The following ELMO1 variants were observed in gnomAD, a reference collection of about 807,000 sequenced individuals.
ELMO1 encodes engulfment and cell motility protein 1.
A neutral mutation model predicts 98.9 loss-of-function variants in ELMO1; 26 were observed. That is an observed-to-expected ratio of 0.26 (90% CI 0.19 to 0.36). The LOEUF (loss-of-function observed/expected upper bound fraction) is 0.36, where lower values mean the gene tolerates loss of function less well. ELMO1 is among the 10% of genes least tolerant of loss of function. The pLI is 1.00. For synonymous variants in ELMO1, 346 were observed against 346.0 expected (o/e 1.00, Z 0.00); for missense variants, 627 against 935.2 (o/e 0.67, Z 4.30).
At chr7:37,013,259 G>C (rs200601593) in intron 16 of ELMO1, 40 bp downstream of exon 16, 19 of 1,610,470 alleles carry the variant, frequency 1.2e-5, no homozygotes, top group Non-Finnish European at 1.5e-5. Flanking sequence ...CCCCTTTAGC[G>C]CTGCGGGAAT....
At chr7:37,153,511 C>A (rs959253777) in intron 13 of ELMO1, among the ~76,000 whole-genome samples, 1 of 152,162 alleles carries the variant, frequency 6.6e-6, no homozygotes, top group Non-Finnish European at 1.5e-5. Flanking sequence ...GCTGGTCCCA[C>A]GCCCACAGAT....
chr7:36,923,484 T>A (rs998696602), intron 16 of ELMO1, among the ~76,000 whole-genome samples: 2 of 152,180 alleles, frequency 1.3e-5, no homozygotes, highest in Non-Finnish European at 2.9e-5. Context: ...ATCCACAGGA[T>A]CAGAGGGCTT....
chr7:37,020,121 T>C (rs949155221), intron 15 of ELMO1, among the ~76,000 whole-genome samples: 6 of 152,162 alleles, frequency 3.9e-5, no homozygotes, highest in African/African-American at 1.4e-4. Flanking sequence ...GAGCTGACCA[T>C]AACCTTACAA....
chr7:37,081,930 G>C (rs1361204427), intron 15 of ELMO1, among the ~76,000 whole-genome samples: 1 of 152,198 alleles, frequency 6.6e-6, no homozygotes, highest in Admixed American at 6.5e-5. Context: ...TCTCACCCGG[G>C]CAAGTCGATG....
intron 1 of ELMO1, among the ~76,000 whole-genome samples, chr7:37,407,162 C>T (rs1024192179): frequency 1.3e-5 from 2 of 152,142 alleles, no homozygotes; most frequent in African/African-American, 4.8e-5. Context: ...GGTACATCCA[C>T]ACAATGACAC....
chr7:36,882,956 T>A (rs995951373), intron 18 of ELMO1, among the ~76,000 whole-genome samples: 2 of 152,230 alleles, frequency 1.3e-5, no homozygotes, highest in Admixed American at 6.5e-5. Flanking sequence ...ATGTATTTAT[T>A]TATACCTGCC....
chr7:37,249,900 G>A (rs116360216), intron 6 of ELMO1, among the ~76,000 whole-genome samples: 8,710 of 152,136 alleles, frequency 0.057, 316 homozygotes, highest in Middle Eastern at 0.099. Context: ...GAAACACAGA[G>A]AGACCTTCGT....
chr7:37,168,291 C>T (rs886432496), intron 13 of ELMO1, among the ~76,000 whole-genome samples: 10 of 152,160 alleles, frequency 6.6e-5, no homozygotes, highest in Non-Finnish European at 1.3e-4. Flanking sequence ...TGAATTTCCT[C>T]CTGTAGCTCA....
intron 20 of ELMO1, among the ~76,000 whole-genome samples, chr7:36,863,228 T>C (rs983663427): frequency 6.6e-6 from 1 of 152,198 alleles, no homozygotes; most frequent in Non-Finnish European, 1.5e-5. Context: ...AAAAATGCTC[T>C]CCTCATTTTC....
At chr7:37,391,451 G>A (rs770773743) in intron 1 of ELMO1, among the ~76,000 whole-genome samples, 2 of 152,156 alleles carry the variant, frequency 1.3e-5, no homozygotes, top group Non-Finnish European at 2.9e-5. Context: ...TTGTGTGCAA[G>A]GCCTTATAAT....
chr7:37,049,814 G>C (rs1241427451), intron 15 of ELMO1, among the ~76,000 whole-genome samples: 1 of 123,472 alleles, frequency 8.1e-6, no homozygotes, highest in African/African-American at 3.1e-5. Flanking sequence ...TTTTGCTCTT[G>C]TTGCCCAGAC....
At chr7:37,395,367 CAAAAAAAAA>C (rs59452486) in intron 1 of ELMO1, among the ~76,000 whole-genome samples, 4 of 66,190 alleles carry the variant, frequency 6.0e-5, no homozygotes, top group Admixed American at 1.9e-4. Flanking sequence ...AACTCCATCT[CAAAAAAAAA>C]AAAAAAAAAA....
At chr7:36,892,403 G>T (rs375704855) in intron 17 of ELMO1, among the ~76,000 whole-genome samples, 4 of 152,068 alleles carry the variant, frequency 2.6e-5, no homozygotes, top group African/African-American at 9.7e-5. Flanking sequence ...TGCTCTTCCT[G>T]TAACTAAGCA....
chr7:36,863,686 G>C (rs1322035595), intron 20 of ELMO1, among the ~76,000 whole-genome samples: 4 of 152,122 alleles, frequency 2.6e-5, no homozygotes, highest in Non-Finnish European at 4.4e-5. Flanking sequence ...AAAAGCACGA[G>C]ACATGAACAC....
intron 15 of ELMO1, among the ~76,000 whole-genome samples, chr7:37,056,773 T>A (rs748065311): frequency 3.4e-4 from 52 of 152,124 alleles, no homozygotes; most frequent in Non-Finnish European, 4.3e-4. Flanking sequence ...TACAATGACA[T>A]ACTCAGGGCA....
intron 15 of ELMO1, among the ~76,000 whole-genome samples, chr7:37,083,154 A>G (rs963458419): frequency 2.6e-5 from 4 of 152,180 alleles, no homozygotes; most frequent in African/African-American, 9.7e-5. Context: ...CAGGTCTTCT[A>G]ATGCTTAATC....
Position 36,855,788 on chromosome 7 carries a change from G to T in ELMO1, c.1984-37C>A. 1 of 1,610,598 alleles carries T rather than the reference G, an allele frequency of 6.2e-7. No homozygotes were observed. The highest frequency in any genetic ancestry group is 8.5e-7 in the Non-Finnish European group (1 of 1,177,226). On this transcript the variant is annotated intron_variant, in intron 21 of 21. Coordinates refer to ENST00000310758, the MANE Select transcript of ELMO1 (RefSeq NM_014800.11). This position sits in a 1 kb window ranked among gnomAD's most constrained non-coding sequence, Gnocchi z 4.2. ...GGAGGCAACAGCGATCATTACTGGT[G>T]GCAATTACAGAAGTATTAATAGTAA...
chr7:37,047,285 C>T (rs539066289), intron 15 of ELMO1, among the ~76,000 whole-genome samples: 5 of 152,200 alleles, frequency 3.3e-5, no homozygotes, highest in South Asian at 4.1e-4. Context: ...GCTCATTAAT[C>T]GGTGTTCCTT....
At chr7:37,391,365 C>G (rs1229568889) in intron 1 of ELMO1, among the ~76,000 whole-genome samples, 1 of 152,162 alleles carries the variant, frequency 6.6e-6, no homozygotes, top group Non-Finnish European at 1.5e-5. Flanking sequence ...GATCTGCCAC[C>G]CCGGCCCCCC....
Sources: allele counts gnomAD v4.1 joint callset (sites outside exome capture counted in the v4.1 genomes callset), GRCh38; gene constraint gnomAD v4.1.1; non-coding constraint Gnocchi (gnomAD v3.1); transcripts MANE v1.5; gene names NCBI Gene and HGNC (gene_info 2026-07-23, HGNC 2026-07-21).